Variants in CYREN observed in about 807,000 individuals in gnomAD.
The protein encoded by CYREN is cell cycle regulator of non-homologous end joining.
In CYREN, 7 loss-of-function variants were observed where a neutral mutation model predicts 9.7. The observed-to-expected ratio is 0.72, with a 90% CI of 0.41 to 1.36. The LOEUF (loss-of-function observed/expected upper bound fraction) is 1.36. Among genes scored for constraint, CYREN ranks in the 40% most tolerant of loss-of-function variants. The pLI, the probability that CYREN is intolerant of heterozygous loss-of-function variation, is 0.01. For missense variants in CYREN, 215 were observed against 198.1 expected (o/e 1.09, Z -0.51); for synonymous variants, 76 against 77.9 (o/e 0.98, Z 0.13).
intron 2 of CYREN, chr7:135,153,157 C>G (rs1409530389): frequency 6.6e-6 from 1 of 151,974 alleles, no homozygotes; most frequent in Non-Finnish European, 1.5e-5. Flanking sequence ...TCAGAATGAC[C>G]ATTATTAAAA....
At chr7:135,132,450 C>T (rs575565324) in intron 2 of CYREN, among the ~76,000 whole-genome samples, 35 of 152,158 alleles carry the variant, frequency 2.3e-4, no homozygotes, top group Non-Finnish European at 4.7e-4. Context: ...AATTGGTATT[C>T]GACAGAATTC....
intron 2 of CYREN, among the ~76,000 whole-genome samples, chr7:135,130,638 T>C (rs1828608943): frequency 6.6e-6 from 1 of 151,974 alleles, no homozygotes; most frequent in Non-Finnish European, 1.5e-5. Context: ...TATTCATATA[T>C]TCATCCCAAG....
rs1427118472 is a variant in CYREN at position 135,165,787 on chromosome 7, T to C, written c.*824A>G. On this transcript the variant is annotated 3_prime_UTR_variant, in exon 4 of 4. Coordinates refer to ENST00000393114, the MANE Select transcript of CYREN (RefSeq NM_024033.4). The stretch of plus-strand genomic sequence containing the variant: ...GAAAGACATTAGCACAACTTACGCA[T>C]TGGGGAATTGTGTGTATTTTCTAGC... The C allele has an allele frequency of 6.0e-6, 1 of 166,218 alleles. No homozygotes were observed. Among genetic ancestry groups the C allele is most frequent in the African/African-American group, 2.5e-5 (1 of 40,584 alleles). 10.3% of individuals were successfully genotyped at this position (166,218 alleles called of 1,614,324 possible). A position where few individuals can be genotyped will look rare whatever the true frequency, so the allele number is the denominator to read the frequency against.
intron 2 of CYREN, chr7:135,135,161 C>A: frequency 6.4e-7 from 1 of 1,551,062 alleles, no homozygotes; most frequent in Non-Finnish European, 8.7e-7. Context: ...CAGCAAAGCT[C>A]TAAGCATACA....
At chr7:135,160,854 AGT>A (rs2117459949), downstream of CYREN, among the ~76,000 whole-genome samples, 1 of 152,350 alleles carries the variant, frequency 6.6e-6, no homozygotes, top group Admixed American at 6.5e-5. Context: ...GCTAAACCAG[AGT>A]GTGGGCTGAA....
intron 2 of CYREN, chr7:135,129,231 C>T (rs1051343576): frequency 6.8e-7 from 1 of 1,465,818 alleles, no homozygotes; most frequent in South Asian, 1.1e-5. Flanking sequence ...GATGCAGGAG[C>T]CTGGCTACAT....
chr7:135,121,064 G>C (rs977340855), intron 2 of CYREN, among the ~76,000 whole-genome samples: 1 of 152,142 alleles, frequency 6.6e-6, no homozygotes, highest in Non-Finnish European at 1.5e-5. Context: ...AATTAGCCGG[G>C]TGTGGTGTCT....
At chr7:135,147,539 T>C (rs1328772017) in intron 2 of CYREN, among the ~76,000 whole-genome samples, 2 of 152,198 alleles carry the variant, frequency 1.3e-5, no homozygotes, top group Non-Finnish European at 2.9e-5. Context: ...TCGGCTCTTA[T>C]TTTGAAATAA....
At chr7:135,106,028 C>T (rs1215970663) in intron 2 of CYREN, among the ~76,000 whole-genome samples, 1 of 152,040 alleles carries the variant, frequency 6.6e-6, no homozygotes, top group African/African-American at 2.4e-5. Flanking sequence ...CCTGATTTGG[C>T]TCTCGGTTAG....
chr7:135,134,341 C>G (rs757277291), intron 2 of CYREN, among the ~76,000 whole-genome samples: 3 of 151,896 alleles, frequency 2.0e-5, no homozygotes, highest in Non-Finnish European at 4.4e-5. Context: ...GCTAAAAAAA[C>G]AGAGATTTTA....
intron 2 of CYREN, among the ~76,000 whole-genome samples, chr7:135,126,964 G>T (rs1006061592): frequency 2.0e-5 from 3 of 152,176 alleles, no homozygotes; most frequent in African/African-American, 7.2e-5. Context: ...CATGGGTAAA[G>T]ACTTCATGAC....
intron 2 of CYREN, among the ~76,000 whole-genome samples, chr7:135,126,662 A>C (rs1219101519): frequency 6.6e-6 from 1 of 152,190 alleles, no homozygotes; most frequent in Non-Finnish European, 1.5e-5. Context: ...TACAGTAACC[A>C]AAACAGATAT....
chr7:135,117,926 G>C (rs1826560509), intron 2 of CYREN, among the ~76,000 whole-genome samples: 1 of 152,208 alleles, frequency 6.6e-6, no homozygotes, highest in Non-Finnish European at 1.5e-5. Flanking sequence ...ATTGGAATGA[G>C]AGATAGTGGA....
At chr7:135,144,938 TAAAAAAAAAAAAAAAAAAAAA>T (rs58443282) in intron 2 of CYREN, among the ~76,000 whole-genome samples, 2 of 45,618 alleles carry the variant, frequency 4.4e-5, no homozygotes, top group Non-Finnish European at 3.7e-5. Context: ...CTCAAAAGAG[TAAAAAAAAAAAAAAAAAAAAA>T]AAAAAAAAAA....
intron 2 of CYREN, chr7:135,129,273 T>C: frequency 6.6e-7 from 1 of 1,519,678 alleles, no homozygotes; most frequent in South Asian, 1.1e-5. Context: ...CAATTTTGCC[T>C]TCTGTACCTT....
chr7:135,106,230 G>A (rs1315350291), intron 2 of CYREN, among the ~76,000 whole-genome samples: 1 of 152,064 alleles, frequency 6.6e-6, no homozygotes, highest in African/African-American at 2.4e-5. Flanking sequence ...TCTTTATCTT[G>A]GCTGATTGCT....
At chr7:135,106,176 G>T (rs1045601812) in intron 2 of CYREN, among the ~76,000 whole-genome samples, 6 of 152,046 alleles carry the variant, frequency 3.9e-5, no homozygotes, top group African/African-American at 1.4e-4. Flanking sequence ...TCTGCAAACA[G>T]GCATAGTCTG....
At chr7:135,094,236 C>A in exon 3 of CYREN, 1 of 379,514 alleles carries the variant, frequency 2.6e-6, no homozygotes, top group Non-Finnish European at 5.2e-6. Context: ...ACATTCCTGT[C>A]CTTACAACAA....
intron 2 of CYREN, among the ~76,000 whole-genome samples, chr7:135,141,883 A>G (rs994467074): frequency 4.6e-5 from 7 of 152,246 alleles, no homozygotes; most frequent in Admixed American, 1.3e-4. Context: ...GTTGATTTCT[A>G]CTTTTATTGT....
Sources: gnomAD v4.1 joint callset for allele counts (sites outside exome capture counted in the v4.1 genomes callset) on GRCh38, gnomAD v4.1.1 for gene constraint, MANE v1.5 for transcripts, NCBI Gene and HGNC (gene_info 2026-07-23, HGNC 2026-07-21) for gene names.